SPECC1: variants seen among roughly 807,000 people sequenced by gnomAD.
SPECC1 encodes the protein sperm antigen with calponin homology and coiled-coil domains 1.
A neutral mutation model predicts 104.1 loss-of-function variants in SPECC1; 62 were observed. The observed-to-expected ratio is 0.60, with a 90% CI of 0.49 to 0.74. The LOEUF (loss-of-function observed/expected upper bound fraction) is 0.74, where lower values mean the gene tolerates loss of function less well. SPECC1 is among the 30% of genes least tolerant of loss of function. The pLI is 0.00. For synonymous variants in SPECC1, 513 were observed against 501.6 expected (o/e 1.02, Z -0.30); for missense variants, 1,306 against 1,310.5 (o/e 1.00, Z 0.05).
chr17:20,087,417 C>A (rs115128322), intron 1 of SPECC1, among the ~76,000 whole-genome samples: 1 of 152,084 alleles, frequency 6.6e-6, no homozygotes, highest in Non-Finnish European at 1.5e-5. Flanking sequence ...TGAAAGCAGT[C>A]TGGGGACTTT....
chr17:20,019,776 G>A (rs904355169), intron 1 of SPECC1, among the ~76,000 whole-genome samples: 12 of 152,066 alleles, frequency 7.9e-5, no homozygotes, highest in Admixed American at 2.6e-4. Context: ...GCTTTCCCAC[G>A]GAGCCACCCT....
intron 13 of SPECC1, among the ~76,000 whole-genome samples, chr17:20,299,555 CAAAAAAAAAAAAAAAAAAAAA>C (rs57493380): frequency 2.5e-5 from 1 of 40,368 alleles, no homozygotes; most frequent in East Asian, 7.2e-4. Flanking sequence ...GACCCTGTCT[CAAAAAAAAAAAAAAAAAAAAA>C]AAAGAAAAGA....
At chr17:20,289,905 A>G (rs993844345) in intron 12 of SPECC1, among the ~76,000 whole-genome samples, 1 of 152,260 alleles carries the variant, frequency 6.6e-6, no homozygotes, top group African/African-American at 2.4e-5. Flanking sequence ...AGCAATAAAA[A>G]GTCTGAGGCA....
chr17:20,057,521 T>G (rs539625561), intron 1 of SPECC1, among the ~76,000 whole-genome samples: 117 of 152,126 alleles, frequency 7.7e-4, no homozygotes, highest in Non-Finnish European at 6.0e-4. Flanking sequence ...TGAGACAGGG[T>G]CTCTCTCTGT....
chr17:20,301,887 G>A (rs2041599279), intron 13 of SPECC1, among the ~76,000 whole-genome samples: 1 of 152,132 alleles, frequency 6.6e-6, no homozygotes, highest in African/African-American at 2.4e-5. Context: ...TATATTTTTA[G>A]TAGAGATGGG....
chr17:20,082,617 A>G (rs753508736), intron 1 of SPECC1, among the ~76,000 whole-genome samples: 1 of 151,940 alleles, frequency 6.6e-6, no homozygotes, highest in Non-Finnish European at 1.5e-5. Flanking sequence ...GTGTATATAT[A>G]TATATATTCA....
At chr17:20,275,774 G>C (rs1447483327) in intron 12 of SPECC1, among the ~76,000 whole-genome samples, 1 of 152,170 alleles carries the variant, frequency 6.6e-6, no homozygotes, top group East Asian at 1.9e-4. Flanking sequence ...GCCCATCAGT[G>C]GTCCCAGTTA....
intron 4 of SPECC1, among the ~76,000 whole-genome samples, chr17:20,217,977 A>C (rs569727206): frequency 1.3e-5 from 2 of 152,186 alleles, no homozygotes; most frequent in South Asian, 4.1e-4. Flanking sequence ...GGCTGCAATG[A>C]CCCGTGATCG....
intron 4 of SPECC1, among the ~76,000 whole-genome samples, chr17:20,219,177 T>C (rs2037702367): frequency 2.0e-5 from 3 of 152,228 alleles, no homozygotes; most frequent in Non-Finnish European, 4.4e-5. Flanking sequence ...AGCAGTGTGA[T>C]TGCTGGATCA....
chr17:20,031,486 A>T (rs1448014407), intron 1 of SPECC1, among the ~76,000 whole-genome samples: 1 of 151,862 alleles, frequency 6.6e-6, no homozygotes, highest in Non-Finnish European at 1.5e-5. Context: ...CACCCAGCTA[A>T]TTTTTTTGTA....
chr17:20,253,689 A>G, intron 10 of SPECC1, 103 bp downstream of exon 10: 2 of 1,105,114 alleles, frequency 1.8e-6, no homozygotes, highest in Non-Finnish European at 2.6e-6. Context: ...AATCAGTGGC[A>G]TTTCTTGCAA....
intron 12 of SPECC1, among the ~76,000 whole-genome samples, chr17:20,283,697 C>T (rs2040851411): frequency 6.6e-6 from 1 of 152,102 alleles, no homozygotes; most frequent in South Asian, 2.1e-4. Context: ...AGCAGTCCTC[C>T]CACCTCAGCC....
intron 4 of SPECC1, among the ~76,000 whole-genome samples, chr17:20,212,002 T>C (rs2703813): frequency 0.76 from 115,910 of 152,166 alleles, 45,368 homozygotes; most frequent in East Asian, 0.99. Context: ...TGGGGCCTTG[T>C]TGCTTCGAAA....
rs190184361 is a variant in SPECC1, at chr17:20,065,950, A to G, written c.-21-30681A>G. 3.9e-5 allele frequency among the ~76,000 whole-genome samples: 6 copies of G among 152,344 alleles called. No homozygotes were observed. In the East Asian group the frequency reaches 5.8e-4, roughly 15 times the overall value. The stretch of plus-strand genomic sequence containing the variant: ...GAGCCAGGAACCGGTTCTAATGCCC[A>G]TAGTCCTTGTTATAATTTGTTATCT... On this transcript the variant is annotated intron_variant, in intron 1 of 14. Coordinates refer to ENST00000395527, the MANE Select transcript of SPECC1 (RefSeq NM_001243439.2).
chr17:20,306,530 C>T (rs564008372), intron 14 of SPECC1, among the ~76,000 whole-genome samples: 1 of 152,368 alleles, frequency 6.6e-6, no homozygotes, highest in South Asian at 2.1e-4. Flanking sequence ...AGCAGCAAGC[C>T]TGCATAAAGC....
At chr17:20,012,651 A>G (rs2043983336) in intron 1 of SPECC1, among the ~76,000 whole-genome samples, 1 of 151,902 alleles carries the variant, frequency 6.6e-6, no homozygotes, top group Non-Finnish European at 1.5e-5. Context: ...CCATTAGCTT[A>G]TGGCTGGATT....
chr17:20,093,290 C>T (rs1236379047), intron 1 of SPECC1, among the ~76,000 whole-genome samples: 1 of 152,152 alleles, frequency 6.6e-6, no homozygotes, highest in African/African-American at 2.4e-5. Context: ...AAACAAGCTC[C>T]CTCAGGCACT....
At chr17:20,078,868 T>C (rs1215936336) in intron 1 of SPECC1, among the ~76,000 whole-genome samples, 1 of 152,238 alleles carries the variant, frequency 6.6e-6, no homozygotes, top group Non-Finnish European at 1.5e-5. Flanking sequence ...AGGGCCAGGT[T>C]GCTTTTTCCT....
intron 3 of SPECC1, among the ~76,000 whole-genome samples, chr17:20,123,457 C>T (rs2049136557): frequency 6.6e-6 from 1 of 152,192 alleles, no homozygotes; most frequent in African/African-American, 2.4e-5. Context: ...CCTGCATGCT[C>T]CCAGTTACCT....
Sources: allele counts gnomAD v4.1 joint callset (sites outside exome capture counted in the v4.1 genomes callset), GRCh38; gene constraint gnomAD v4.1.1; transcripts MANE v1.5; gene names NCBI Gene and HGNC (gene_info 2026-07-23, HGNC 2026-07-21).